SIPA1L2: variants seen among roughly 807,000 people sequenced by gnomAD.
The protein encoded by SIPA1L2 is signal-induced proliferation-associated 1-like protein 2.
In SIPA1L2, 56 loss-of-function variants were observed where a neutral mutation model predicts 163.9. The ratio of observed to expected loss-of-function variants is 0.34; its 90% confidence interval spans 0.28 to 0.43. The LOEUF is 0.43. Ranked by LOEUF, SIPA1L2 falls within the 20% of genes least tolerant of loss-of-function variation. The pLI is 1.00. For synonymous variants in SIPA1L2, 877 were observed against 865.7 expected (o/e 1.01, Z -0.23); for missense variants, 1,974 against 2,193.5 (o/e 0.90, Z 2.00).
chr1:232,425,625 G>A lies in SIPA1L2; in HGVS notation c.4594C>T (p.Arg1532Trp), dbSNP rs369364776. The A allele has an allele frequency of 1.2e-5, 19 of 1,608,904 alleles. 1 individual carries two copies. The highest frequency in any genetic ancestry group is 1.9e-4 in the Middle Eastern group (1 of 5,196). ...CCCATGCTGGGTGCGGGGTGGGCCC[G>A]CGGAGGCAGCGTGCTGTGGTAGGGT... ...TPPYHSTLPP[R>W]AHPAPSMGSL... is the part of the protein sequence containing the mutation. Residue 1532 changes from arginine (R) to tryptophan (W), a missense_variant, in exon 18 of 23, where the codon CGG becomes TGG. Around this residue, in one of 3 missense-constraint regions of SIPA1L2, gnomAD observed 1,079 missense variants for 1,150.7 expected, o/e 0.94. Coordinates refer to ENST00000674635, the MANE Select transcript of SIPA1L2 (RefSeq NM_020808.5).
At chr1:232,432,110 A>C in intron 16 of SIPA1L2, 137 bp downstream of exon 16, 1 of 716,080 alleles carries the variant, frequency 1.4e-6, no homozygotes, top group Non-Finnish European at 2.2e-6. Context: ...AAACATCAAC[A>C]TTTAAAGAGT....
intron 9 of SIPA1L2, chr1:232,462,526 G>T: frequency 2.1e-6 from 1 of 485,108 alleles, no homozygotes; most frequent in Non-Finnish European, 3.4e-6. Flanking sequence ...AGGCATGACA[G>T]TTCACGACTC....
intron 1 of SIPA1L2, among the ~76,000 whole-genome samples, chr1:232,616,200 A>T (rs1573180285): frequency 1.3e-5 from 2 of 152,202 alleles, no homozygotes; most frequent in South Asian, 2.1e-4. Context: ...AAGGACTTTT[A>T]TCCTACAGTA....
At chr1:232,618,610 C>T (rs1437182401) in intron 1 of SIPA1L2, among the ~76,000 whole-genome samples, 2 of 149,856 alleles carry the variant, frequency 1.3e-5, no homozygotes, top group Admixed American at 6.7e-5. Flanking sequence ...GCCAAGATTG[C>T]ACCAGTGCAC....
At chr1:232,525,141 ATTAAT>A (rs1416397681) in intron 2 of SIPA1L2, among the ~76,000 whole-genome samples, 1 of 150,338 alleles carries the variant, frequency 6.7e-6, no homozygotes, top group Non-Finnish European at 1.5e-5. Flanking sequence ...CCTACTGTTG[ATTAAT>A]TTAACGTTTT....
chr1:232,510,636 T>C (rs747024363), intron 3 of SIPA1L2, among the ~76,000 whole-genome samples: 2 of 152,208 alleles, frequency 1.3e-5, no homozygotes, highest in African/African-American at 2.4e-5. Flanking sequence ...GAGGAGTCTT[T>C]AAAACTACCA....
intron 1 of SIPA1L2, among the ~76,000 whole-genome samples, chr1:232,588,072 A>C (rs909938253): frequency 1.3e-5 from 2 of 152,112 alleles, no homozygotes; most frequent in South Asian, 4.1e-4. Flanking sequence ...GAGAAGTAAA[A>C]AACTGATTTT....
At chr1:232,543,518 C>T (rs1260759113) in intron 2 of SIPA1L2, among the ~76,000 whole-genome samples, 1 of 152,048 alleles carries the variant, frequency 6.6e-6, no homozygotes, top group South Asian at 2.1e-4. Context: ...ACAGTAAATA[C>T]GTTTTTACAT....
chr1:232,587,736 G>A (rs554531033), intron 1 of SIPA1L2, among the ~76,000 whole-genome samples: 109 of 152,220 alleles, frequency 7.2e-4, no homozygotes, highest in African/African-American at 1.8e-3. Flanking sequence ...ATCTCATCTC[G>A]AACTGTAGCT....
Position 232,399,249 on chromosome 1 carries a change from G to C in SIPA1L2, c.5047C>G (p.Gln1683Glu), listed in dbSNP as rs1457554118. 1.2e-6 allele frequency: 2 copies of C among 1,613,494 alleles called. No individual in the cohort carries two copies. Among genetic ancestry groups the C allele is most frequent in the East Asian group, 2.2e-5 (1 of 44,844 alleles). ...TGTCTCAGGTGCTGCACTTCTGCTT[G>C]GAGAACGGCCTTGTCTTGTTTTTCC... is the stretch of plus-strand genomic sequence containing the variant. The part of the protein sequence containing the change: ...RKEKQDKAVL[Q>E]AEVQHLRQDN... The change falls in exon 23 of 23, where the codon CAA becomes GAA. Residue 1683 changes from glutamine to glutamate, a missense_variant. Gln to Glu is a conservative substitution (Grantham distance 29). Around this residue, in one of 3 missense-constraint regions of SIPA1L2, gnomAD observed 1,079 missense variants for 1,150.7 expected, o/e 0.94. Coordinates refer to ENST00000674635, the MANE Select transcript of SIPA1L2 (RefSeq NM_020808.5).
chr1:232,415,968 G>A lies in SIPA1L2; in HGVS notation c.4631-343C>T, dbSNP rs561604434. 1.7e-4 allele frequency: 40 copies of A among 231,208 alleles called. 1 individual carries two copies. Among genetic ancestry groups the A allele is most frequent in the African/African-American group, 1.1e-3 (28 of 25,600 alleles). 14.3% of individuals were successfully genotyped at this position (231,208 alleles called of 1,614,324 possible). A position where few individuals can be genotyped will look rare whatever the true frequency, so the allele number is the denominator to read the frequency against. On this transcript the variant is annotated intron_variant, in intron 18 of 22. Transcript: ENST00000674635. Reference sequence around the variant, plus strand: ...TCCCAGAGTCAGTCAGTCAGAACACGGGCACCACTGTCCCTCCCAGAGTCA... The same window carrying A: ...TCCCAGAGTCAGTCAGTCAGAACACAGGCACCACTGTCCCTCCCAGAGTCA...
intron 1 of SIPA1L2, among the ~76,000 whole-genome samples, chr1:232,587,201 T>A (rs972227246): frequency 3.9e-5 from 6 of 152,180 alleles, no homozygotes; most frequent in African/African-American, 7.2e-5. Flanking sequence ...CTACATAAAG[T>A]ATGAACTGAT....
At chr1:232,567,582 A>C (rs914038629) in intron 2 of SIPA1L2, among the ~76,000 whole-genome samples, 8 of 152,238 alleles carry the variant, frequency 5.3e-5, no homozygotes, top group African/African-American at 1.9e-4. Context: ...CCAAGTTATA[A>C]AGGAGTTTGT....
intron 10 of SIPA1L2, among the ~76,000 whole-genome samples, chr1:232,454,322 C>T (rs1346465328): frequency 1.3e-5 from 2 of 152,164 alleles, no homozygotes. Context: ...GGAAGTGAGG[C>T]TATCTGGCAC....
intron 2 of SIPA1L2, among the ~76,000 whole-genome samples, chr1:232,534,716 A>G (rs1313095020): frequency 6.6e-6 from 1 of 152,100 alleles, no homozygotes; most frequent in Non-Finnish European, 1.5e-5. Flanking sequence ...CTGGGATATC[A>G]CCACCATGGC....
intron 2 of SIPA1L2, among the ~76,000 whole-genome samples, chr1:232,564,165 T>A (rs1204662646): frequency 9.9e-6 from 1 of 101,282 alleles, no homozygotes; most frequent in Non-Finnish European, 1.8e-5. Context: ...TGTGTGTGTG[T>A]GTGTGTGTGT....
intron 5 of SIPA1L2, among the ~76,000 whole-genome samples, chr1:232,487,948 ACACACACG>A (rs1197217338): frequency 2.7e-5 from 4 of 148,866 alleles, no homozygotes; most frequent in South Asian, 2.2e-4. Flanking sequence ...ACACACACAC[ACACACACG>A]CACACATATT....
chr1:232,445,137 C>T (rs1238827081), intron 11 of SIPA1L2, among the ~76,000 whole-genome samples: 3 of 152,212 alleles, frequency 2.0e-5, no homozygotes, highest in Non-Finnish European at 4.4e-5. Context: ...AAGTATTACT[C>T]ACATTATGAT....
chr1:232,492,142 C>T (rs1366394280), intron 4 of SIPA1L2, among the ~76,000 whole-genome samples: 1 of 152,082 alleles, frequency 6.6e-6, no homozygotes, highest in African/African-American at 2.4e-5. Context: ...GCCTAGGTCA[C>T]TGGGACACCT....
Sources: allele counts gnomAD v4.1 joint callset (sites outside exome capture counted in the v4.1 genomes callset), GRCh38; gene constraint gnomAD v4.1.1; regional missense constraint gnomAD v4.1.1; transcripts MANE v1.5; gene names NCBI Gene and HGNC (gene_info 2026-07-23, HGNC 2026-07-21).